FRMD5: variants seen among roughly 807,000 people sequenced by gnomAD.
FRMD5 encodes the protein FERM domain-containing protein 5.
A neutral mutation model predicts 69.0 loss-of-function variants in FRMD5; 20 were observed. The ratio of observed to expected loss-of-function variants is 0.29; its 90% CI spans 0.20 to 0.42. The LOEUF (loss-of-function observed/expected upper bound fraction) is 0.42, where lower values mean the gene tolerates loss of function less well. Among genes scored for constraint, FRMD5 ranks in the 10% least tolerant of loss-of-function variants. The pLI is 1.00. For missense variants in FRMD5, 595 were observed against 708.6 expected, an observed-to-expected ratio of 0.84 and a Z score of 1.82; for synonymous variants, 271 against 260.1, an observed-to-expected ratio of 1.04 and a Z score of -0.40.
intron 1 of FRMD5, among the ~76,000 whole-genome samples, chr15:44,168,057 C>T (rs2077739425): frequency 6.6e-6 from 1 of 152,162 alleles, no homozygotes; most frequent in African/African-American, 2.4e-5. Flanking sequence ...AACTCCATTA[C>T]CAATCAATCA....
intron 1 of FRMD5, among the ~76,000 whole-genome samples, chr15:44,012,040 C>T (rs1374205311): frequency 6.6e-6 from 1 of 152,116 alleles, no homozygotes; most frequent in Non-Finnish European, 1.5e-5. Context: ...CTTTTTCCTT[C>T]CTGAACTCAC....
chr15:44,001,404 T>C (rs964331744), intron 1 of FRMD5, among the ~76,000 whole-genome samples: 3 of 152,188 alleles, frequency 2.0e-5, no homozygotes, highest in Admixed American at 6.5e-5. Flanking sequence ...AGAAACTTTT[T>C]AATTTGATGT....
At chr15:44,092,352 CTCAT>C (rs991850546) in intron 1 of FRMD5, among the ~76,000 whole-genome samples, 3 of 152,198 alleles carry the variant, frequency 2.0e-5, no homozygotes, top group Non-Finnish European at 2.9e-5. Context: ...TCCCCTATAA[CTCAT>C]TCTATTTGGT....
At chr15:44,040,222 A>T (rs1344222987) in intron 1 of FRMD5, among the ~76,000 whole-genome samples, 2 of 152,192 alleles carry the variant, frequency 1.3e-5, no homozygotes, top group East Asian at 3.9e-4. Context: ...GGGAGAATGG[A>T]ACCAAGTTGG....
intron 1 of FRMD5, among the ~76,000 whole-genome samples, chr15:43,935,015 A>G (rs1342094251): frequency 6.6e-6 from 1 of 152,196 alleles, no homozygotes; most frequent in Non-Finnish European, 1.5e-5. Context: ...GTCCCTTGCA[A>G]CCTCATCTCA....
intron 1 of FRMD5, among the ~76,000 whole-genome samples, chr15:44,163,878 A>T (rs1415190487): frequency 6.6e-6 from 1 of 152,160 alleles, no homozygotes; most frequent in African/African-American, 2.4e-5. Flanking sequence ...GAGGCCCTGA[A>T]TGTTGCCTAG....
At chr15:44,055,453 T>C (rs1449739065) in intron 1 of FRMD5, among the ~76,000 whole-genome samples, 4 of 152,236 alleles carry the variant, frequency 2.6e-5, no homozygotes, top group Non-Finnish European at 5.9e-5. Flanking sequence ...TATCCTCAGC[T>C]ACTAAGAGGA....
intron 1 of FRMD5, among the ~76,000 whole-genome samples, chr15:43,958,147 G>A (rs990392204): frequency 6.6e-6 from 1 of 152,130 alleles, no homozygotes; most frequent in Non-Finnish European, 1.5e-5. Flanking sequence ...AGCACTAAAT[G>A]TCATTCCAAA....
At chr15:43,985,280 CA>C (rs34455065) in intron 1 of FRMD5, among the ~76,000 whole-genome samples, 1,839 of 77,208 alleles carry the variant, frequency 0.024, 16 homozygotes, top group East Asian at 0.11. Context: ...GACTCCGTCT[CA>C]AAAAAAAAAA....
At chr15:44,144,590 G>T (rs1252011693) in intron 1 of FRMD5, among the ~76,000 whole-genome samples, 1 of 152,110 alleles carries the variant, frequency 6.6e-6, no homozygotes, top group African/African-American at 2.4e-5. Flanking sequence ...CTTTCCAGGG[G>T]CACCCTGAGC....
At chr15:43,955,052 T>C (rs1030591807) in intron 1 of FRMD5, among the ~76,000 whole-genome samples, 2 of 152,270 alleles carry the variant, frequency 1.3e-5, no homozygotes, top group Non-Finnish European at 2.9e-5. Context: ...TTACTGTTTA[T>C]GTGAGTAAAT....
At chr15:43,927,896 T>G (rs1266535005) in intron 1 of FRMD5, among the ~76,000 whole-genome samples, 1 of 152,196 alleles carries the variant, frequency 6.6e-6, no homozygotes. Flanking sequence ...TCATACAGAC[T>G]TTTAATAAGA....
chr15:44,164,459 G>C (rs1179810815), intron 1 of FRMD5, among the ~76,000 whole-genome samples: 1 of 151,966 alleles, frequency 6.6e-6, no homozygotes, highest in East Asian at 1.9e-4. Context: ...GATAGATTGT[G>C]ACATACTCAT....
intron 4 of FRMD5, among the ~76,000 whole-genome samples, chr15:43,916,452 G>A (rs1037457629): frequency 6.6e-6 from 1 of 152,196 alleles, no homozygotes; most frequent in Non-Finnish European, 1.5e-5. Flanking sequence ...TGGGGCCTAC[G>A]GACTGTGTAA....
intron 1 of FRMD5, among the ~76,000 whole-genome samples, chr15:43,959,442 C>A (rs2090163031): frequency 6.6e-6 from 1 of 152,140 alleles, no homozygotes; most frequent in African/African-American, 2.4e-5. Flanking sequence ...ACATTATGCG[C>A]CTGAAAATAA....
At chr15:43,913,785 A>G (rs2089332737) in intron 4 of FRMD5, among the ~76,000 whole-genome samples, 1 of 152,228 alleles carries the variant, frequency 6.6e-6, no homozygotes, top group South Asian at 2.1e-4. Flanking sequence ...GAGGTAACAC[A>G]GCAATCAGAA....
chr15:43,882,481 C>A (rs1400347374), intron 13 of FRMD5, among the ~76,000 whole-genome samples: 1 of 152,090 alleles, frequency 6.6e-6, no homozygotes, highest in Admixed American at 6.5e-5. Flanking sequence ...GCCTCAACCC[C>A]CCAAGTAGCT....
intron 1 of FRMD5, among the ~76,000 whole-genome samples, chr15:44,117,991 C>CTTTTTTTTTTTTTTTTTTTTTTTTTTTT (rs747747488): frequency 1.1e-5 from 1 of 92,656 alleles, no homozygotes; most frequent in Non-Finnish European, 2.1e-5. Flanking sequence ...TTCTTTTTTA[C>CTTTTTTTTTTTTTTTTTTTTTTTTTTTT]TTTTTTTTTT....
intron 4 of FRMD5, among the ~76,000 whole-genome samples, chr15:43,918,621 C>G (rs975643928): frequency 6.6e-6 from 1 of 152,164 alleles, no homozygotes; most frequent in Non-Finnish European, 1.5e-5. Flanking sequence ...GCTGACAGTC[C>G]TATCTCTTCC....
Sources: allele counts gnomAD v4.1 joint callset (sites outside exome capture counted in the v4.1 genomes callset), GRCh38; gene constraint gnomAD v4.1.1; transcripts MANE v1.5; gene names NCBI Gene and HGNC (gene_info 2026-07-23, HGNC 2026-07-21).